Variants in PTPRN2 observed in about 807,000 individuals in gnomAD.
PTPRN2 encodes receptor-type tyrosine-protein phosphatase N2.
A neutral mutation model predicts 118.8 loss-of-function variants in PTPRN2; 74 were observed. The observed-to-expected ratio is 0.62, with a 90% CI of 0.52 to 0.76. The LOEUF is 0.76. Ranked by LOEUF, PTPRN2 falls within the 30% of genes least tolerant of loss-of-function variation. PTPRN2 has a pLI of 0.00. For synonymous variants in PTPRN2, 641 were observed against 608.0 expected (o/e 1.05, Z -0.80); for missense variants, 1,481 against 1,394.4 (o/e 1.06, Z -0.99).
intron 11 of PTPRN2, among the ~76,000 whole-genome samples, chr7:158,076,445 C>G (rs935638178): frequency 6.6e-6 from 1 of 152,206 alleles, no homozygotes; most frequent in Non-Finnish European, 1.5e-5. Flanking sequence ...CGCTTGTGGA[C>G]CAATGCTGCA....
At chr7:158,332,397 ACACC>A (rs1804665224) in intron 2 of PTPRN2, among the ~76,000 whole-genome samples, 1 of 129,330 alleles carries the variant, frequency 7.7e-6, no homozygotes, top group African/African-American at 2.7e-5. Context: ...GATGTCACTC[ACACC>A]CATACTCTCA....
intron 3 of PTPRN2, among the ~76,000 whole-genome samples, chr7:158,209,347 G>C (rs145775903): frequency 3.9e-4 from 60 of 152,170 alleles, no homozygotes; most frequent in Admixed American, 3.0e-3. Flanking sequence ...TAAAAAGAAA[G>C]GGATGGAAAA....
At chr7:158,135,157 T>C in intron 8 of PTPRN2, among the ~76,000 whole-genome samples, 1 of 152,212 alleles carries the variant, frequency 6.6e-6, no homozygotes. Flanking sequence ...TTCAATATTA[T>C]ATTAGATGTA....
chr7:157,814,822 G>A (rs1412727574), intron 12 of PTPRN2, among the ~76,000 whole-genome samples: 2 of 152,188 alleles, frequency 1.3e-5, no homozygotes, highest in African/African-American at 4.8e-5. Flanking sequence ...TTGTCACAGA[G>A]CAGCTTTGCA....
rs146757684 is a variant in PTPRN2 at position 158,564,058 on chromosome 7, G to A, written c.112+23500C>T. ...AAGAAAGGGCTAGGGCAGCACTTGC[G>A]GGGGGCACAGCCAGCTCTGGATCTG... On this transcript the variant is annotated intron_variant, in intron 1 of 22. Coordinates refer to ENST00000389418, the MANE Select transcript of PTPRN2 (RefSeq NM_002847.5). 7.9e-3 allele frequency among the ~76,000 whole-genome samples: 1,210 copies of A among 152,254 alleles called. 6 individuals carry two copies. Among genetic ancestry groups the A allele is most frequent in the Middle Eastern group, 0.031 (9 of 294 alleles).
chr7:157,752,792 C>G (rs563290400), intron 12 of PTPRN2, among the ~76,000 whole-genome samples: 1 of 152,362 alleles, frequency 6.6e-6, no homozygotes, highest in South Asian at 2.1e-4. Context: ...CTCTGGAAAT[C>G]TGTGATTAGA....
In PTPRN2 at chr7:158,526,503, A is replaced by G. The variant is rs1156603408; in HGVS notation, c.113-36718T>C. ...CCGACATGCTGGACTGTGGCTTGGG[A>G]AACTGACTCGGTTGTTCTCCATTCC... On this transcript the variant is annotated intron_variant, in intron 1 of 22. Coordinates refer to ENST00000389418, the MANE Select transcript of PTPRN2 (RefSeq NM_002847.5). This position sits in a 1 kb window ranked among gnomAD's most constrained non-coding sequence, Gnocchi z 5.2. 6.6e-6 allele frequency among the ~76,000 whole-genome samples: 1 copy of G among 150,732 alleles called. No homozygotes were observed. The highest frequency in any genetic ancestry group is 2.5e-5 in the African/African-American group (1 of 40,090).
At chr7:157,744,245 G>A (rs1344931046) in intron 12 of PTPRN2, among the ~76,000 whole-genome samples, 4 of 152,216 alleles carry the variant, frequency 2.6e-5, no homozygotes, top group African/African-American at 9.6e-5. Context: ...TGCTGGGGTG[G>A]GCTGGGGGTC....
chr7:158,131,679 G>A (rs1012932774), intron 9 of PTPRN2, among the ~76,000 whole-genome samples: 8 of 130,820 alleles, frequency 6.1e-5, no homozygotes, highest in Non-Finnish European at 9.6e-5. Context: ...ACATCTACCC[G>A]ACACACACTC....
At chr7:157,664,541 G>A (rs1796043326) in intron 13 of PTPRN2, among the ~76,000 whole-genome samples, 1 of 152,222 alleles carries the variant, frequency 6.6e-6, no homozygotes, top group African/African-American at 2.4e-5. Flanking sequence ...TAGGTGGGAG[G>A]ATCCCTTGAG....
At chr7:158,234,646 T>A (rs767256527) in intron 3 of PTPRN2, among the ~76,000 whole-genome samples, 7 of 151,384 alleles carry the variant, frequency 4.6e-5, no homozygotes, top group Non-Finnish European at 8.8e-5. Flanking sequence ...AATAAAAACA[T>A]ATAGGTGGTA....
At chr7:157,788,176 T>C (rs894896205) in intron 12 of PTPRN2, among the ~76,000 whole-genome samples, 4 of 151,968 alleles carry the variant, frequency 2.6e-5, no homozygotes, top group East Asian at 1.9e-4. Context: ...GAGATCGAGA[T>C]CATCCCGGCT....
intron 2 of PTPRN2, among the ~76,000 whole-genome samples, chr7:158,441,958 A>G (rs866417733): frequency 3.1e-5 from 3 of 97,020 alleles, no homozygotes; most frequent in East Asian, 4.7e-4. Context: ...TGATAGTGAT[A>G]GTGATGGTCA....
At chr7:158,456,405 C>T (rs866560775) in intron 2 of PTPRN2, among the ~76,000 whole-genome samples, 23 of 130,364 alleles carry the variant, frequency 1.8e-4, no homozygotes, top group East Asian at 5.0e-4. Flanking sequence ...CATAACAGCA[C>T]GGACGCCATC....
intron 1 of PTPRN2, among the ~76,000 whole-genome samples, chr7:158,511,245 T>C (rs1823161558): frequency 6.6e-6 from 1 of 152,178 alleles, no homozygotes; most frequent in Non-Finnish European, 1.5e-5. Context: ...TGCGCTGGTG[T>C]GGTCAGGATG....
chr7:158,174,224 G>A (rs931259574), intron 5 of PTPRN2, among the ~76,000 whole-genome samples: 17 of 152,212 alleles, frequency 1.1e-4, no homozygotes, highest in Admixed American at 3.9e-4. Context: ...ATGTTTTGCC[G>A]CAGCTTCAGC....
rs766486794 is a variant in PTPRN2, at chr7:158,133,706, C to G, written c.1527G>C (p.Glu509Asp). Residue 509 changes from glutamate to aspartate, a missense_variant, in exon 9 of 23, where the codon GAG (glutamate) becomes GAC (aspartate). Transcript: ENST00000389418. ...LQLEVQPSEE[E>D]ARGYIVTDRD... is the part of the protein sequence containing the mutation. ...TGTCTGTCACGATGTAGCCCCGCGC[C>G]TCTTCCTCGGAAGGCTGGACCTCCA... is the stretch of plus-strand genomic sequence containing the variant. The G allele has an allele frequency of 4.6e-5, 74 of 1,605,696 alleles. No homozygotes were observed. Among genetic ancestry groups the G allele is most frequent in the Non-Finnish European group, 6.0e-5 (71 of 1,175,824 alleles).
At chr7:158,071,115 AGGTGCCCGTGGTGGTGGAGGTGCTCG>A (rs1811415986) in intron 11 of PTPRN2, among the ~76,000 whole-genome samples, 6 of 66,718 alleles carry the variant, frequency 9.0e-5, no homozygotes, top group African/African-American at 1.4e-4. Context: ...GTGGTGGTGG[AGGTGCCCGTGGTGGTGGAGGTGCTCG>A]TGGTGGTGGA....
intron 2 of PTPRN2, among the ~76,000 whole-genome samples, chr7:158,462,637 C>T (rs1030407285): frequency 6.6e-6 from 1 of 152,168 alleles, no homozygotes; most frequent in Non-Finnish European, 1.5e-5. Context: ...CAATGAATTC[C>T]TCTCCCCTCC....
Sources: allele counts gnomAD v4.1 joint callset (sites outside exome capture counted in the v4.1 genomes callset), GRCh38; gene constraint gnomAD v4.1.1; non-coding constraint Gnocchi (gnomAD v3.1); transcripts MANE v1.5; gene names NCBI Gene and HGNC (gene_info 2026-07-23, HGNC 2026-07-21).